PPP4C: variants seen among roughly 807,000 people sequenced by gnomAD.
The protein encoded by PPP4C is serine/threonine-protein phosphatase 4 catalytic subunit.
Under a neutral mutation model 40.5 loss-of-function variants are expected in PPP4C, and 10 were observed. That is an observed-to-expected ratio of 0.25 (90% CI 0.15 to 0.42). The LOEUF is 0.42. Ranked by LOEUF, PPP4C falls within the 10% of genes least tolerant of loss-of-function variation. The probability of loss-of-function intolerance (pLI) is 1.00; values close to 1 mark genes in which losing one functional copy is unlikely to be tolerated. For missense variants in PPP4C, 191 were observed against 416.4 expected, an observed-to-expected ratio of 0.46 and a Z score of 4.71; for synonymous variants, 187 against 163.6, an observed-to-expected ratio of 1.14 and a Z score of -1.09.
chr16:30,076,191 G>A (rs922853738), intron 1 of PPP4C, 97 bp downstream of exon 1: 4 of 614,458 alleles, frequency 6.5e-6, no homozygotes, highest in Non-Finnish European at 1.1e-5. Context: ...TTGGACGCCG[G>A]GGGGTCCTGG....
At position 30,081,321 on chromosome 16, in the gene PPP4C, G is replaced by A. The variant is rs1282716399; in HGVS notation, c.150+11G>A. 1.2e-6 allele frequency: 2 copies of A among 1,608,410 alleles called. No homozygotes were observed. The highest frequency in any genetic ancestry group is 1.7e-5 in the Admixed American group (1 of 60,008). ...GACTCGCCAGTCACAGTGAGTACCTGCTGTCCCTGCAGAGCCAGGCCTGGT... is the reference window on the plus strand; with the variant it reads ...GACTCGCCAGTCACAGTGAGTACCTACTGTCCCTGCAGAGCCAGGCCTGGT... On this transcript the variant is annotated intron_variant, in intron 3 of 8. Transcript: ENST00000279387.
chr16:30,079,902 C>T (rs982146020), intron 2 of PPP4C, among the ~76,000 whole-genome samples: 2 of 152,206 alleles, frequency 1.3e-5, no homozygotes, highest in Non-Finnish European at 1.5e-5. Context: ...CAGCCTCCTT[C>T]CCTGCTTCAA....
rs1023951633 is a variant in PPP4C at position 30,083,324 on chromosome 16, CGAG to C, written c.304-65_304-63del. 34 of 1,523,080 alleles carry C rather than the reference CGAG, an allele frequency of 2.2e-5. No homozygotes were observed. The African/African-American group carries it at 4.5e-4, about 20-fold the overall frequency. 94.3% of individuals were successfully genotyped at this position (1,523,080 alleles called of 1,614,324 possible). A position where few individuals can be genotyped will look rare whatever the true frequency, so the allele number is the denominator to read the frequency against. ...TGTGAGGATGGCAGGCTGGCGGGCA[CGAG>C]GAGGTCAGAGAGGGATGTGTGGAGA... On this transcript the variant is annotated intron_variant, in intron 5 of 8. Coordinates refer to ENST00000279387, the MANE Select transcript of PPP4C (RefSeq NM_002720.3). This position sits in a 1 kb window ranked among gnomAD's most constrained non-coding sequence, Gnocchi z 6.3.
rs150994602 is a variant in PPP4C at position 30,082,392 on chromosome 16, T to A, written c.151-92T>A. ...TAGGAAGTAGAAGTGCAGCCAAGAG[T>A]GATAAAGCTCACTAAAGCAGCGGGT... is the stretch of plus-strand genomic sequence containing the variant. On this transcript the variant is annotated intron_variant, in intron 3 of 8. Transcript: ENST00000279387. 5.6e-3 allele frequency: 7,417 copies of A among 1,330,592 alleles called. 46 individuals are homozygous for A. Among genetic ancestry groups the A allele is most frequent in the Non-Finnish European group, 6.4e-3 (5,917 of 923,666 alleles). The allele number at this position is 1,330,592 out of a possible 1,614,324, so 82.4% of individuals were successfully genotyped here. A position where few individuals can be genotyped will look rare whatever the true frequency, so the allele number is the denominator to read the frequency against.
chr16:30,083,065 G>A lies in PPP4C; in HGVS notation c.303+218G>A. 1 of 596,626 alleles carries A rather than the reference G, an allele frequency of 1.7e-6. No individual in the cohort carries two copies. The allele number at this position is 596,626 out of a possible 1,614,324, so 37.0% of individuals were successfully genotyped here. ...GGGGCAGAGGCTCACTGTTGCGAATGTGGCAGGTCATTGATGCCACTGGTG... is the reference window on the plus strand; with the variant it reads ...GGGGCAGAGGCTCACTGTTGCGAATATGGCAGGTCATTGATGCCACTGGTG... On this transcript the variant is annotated intron_variant, in intron 5 of 8. Transcript: ENST00000279387. This position sits in a 1 kb window ranked among gnomAD's most constrained non-coding sequence, Gnocchi z 6.3.
At chr16:30,081,163 C>T (rs2072498553) in intron 2 of PPP4C, 96 bp from the exon 3 acceptor site, 1 of 1,573,748 alleles carries the variant, frequency 6.4e-7, no homozygotes, top group Non-Finnish European at 8.7e-7. Context: ...CTGGAGCTTC[C>T]AGGACTGCCT....
intron 2 of PPP4C, among the ~76,000 whole-genome samples, chr16:30,076,949 A>AGT (rs1249304202): frequency 6.6e-6 from 1 of 152,214 alleles, no homozygotes. Flanking sequence ...TCATGTTCAA[A>AGT]GTTACCCACA....
At chr16:30,084,638 C>T (rs1022561470) in intron 7 of PPP4C, 28 bp from the exon 8 acceptor site, 1 of 1,605,142 alleles carries the variant, frequency 6.2e-7, no homozygotes, top group African/African-American at 1.3e-5. Flanking sequence ...TGAGGACATC[C>T]CTCTCCATCC....
chr16:30,083,357 G>A lies in PPP4C; in HGVS notation c.304-37G>A, dbSNP rs8057594. On this transcript the variant is annotated intron_variant, in intron 5 of 8. Coordinates refer to ENST00000279387, the MANE Select transcript of PPP4C (RefSeq NM_002720.3). This position sits in a 1 kb window ranked among gnomAD's most constrained non-coding sequence, Gnocchi z 6.3. ...TCAGAGAGGGATGTGTGGAGAGACC[G>A]TCTAGGCGCCAGCCCTGGCTTGGTG... The A allele has an allele frequency of 2.4e-3, 3,782 of 1,591,834 alleles. 74 individuals carry two copies. The African/African-American group carries it at 0.044, about 19-fold the overall frequency.
In PPP4C at chr16:30,083,634, T is replaced by C; in HGVS notation, c.478-21T>C. ...GGCTTCAGGCCTCAGCCCCGTCCTC[T>C]TTCCCTGCTCTCCCCTGTAGATCTT... On this transcript the variant is annotated intron_variant, in intron 6 of 8. Transcript: ENST00000279387. This position sits in a 1 kb window ranked among gnomAD's most constrained non-coding sequence, Gnocchi z 6.3. 6.2e-7 allele frequency: 1 copy of C among 1,614,118 alleles called. No individual in the cohort carries two copies. The highest frequency in any genetic ancestry group is 8.5e-7 in the Non-Finnish European group (1 of 1,179,992).
chr16:30,085,149 G>C lies in PPP4C; in HGVS notation c.*87G>C. 6.6e-7 allele frequency: 1 copy of C among 1,518,542 alleles called. No homozygotes were observed. The highest frequency in any genetic ancestry group is 1.2e-5 in the South Asian group (1 of 82,606). 94.1% of individuals were successfully genotyped at this position (1,518,542 alleles called of 1,614,324 possible). A position where few individuals can be genotyped will look rare whatever the true frequency, so the allele number is the denominator to read the frequency against. On this transcript the variant is annotated 3_prime_UTR_variant, in exon 9 of 9. Coordinates refer to ENST00000279387, the MANE Select transcript of PPP4C (RefSeq NM_002720.3). ...CTTCCTCAGACGGAGGCTGGGCGTG[G>C]GGGGGGCTGTCCTGGCTCTGCTGTC... is the stretch of plus-strand genomic sequence containing the variant.
In PPP4C at chr16:30,083,905, A is replaced by T. The variant is rs964097390; in HGVS notation, c.604+124A>T. 30 of 1,439,218 alleles carry T rather than the reference A, an allele frequency of 2.1e-5. No homozygotes were observed. In the South Asian group the frequency reaches 2.1e-4, roughly 10 times the overall value. The allele number at this position is 1,439,218 out of a possible 1,614,324, so 89.2% of individuals were successfully genotyped here. ...CAAATGGCTGGAACCCTGGAGGAGG[A>T]GCAGGGAGGCCTGCATGGCAGGTGC... On this transcript the variant is annotated intron_variant, in intron 7 of 8. Transcript: ENST00000279387. The surrounding 1 kb of genome is among the most constrained non-coding windows in gnomAD (Gnocchi z 6.3).
rs1017880535 is a variant in PPP4C at position 30,076,049 on chromosome 16, G to A, written c.-109G>A. On this transcript the variant is annotated 5_prime_UTR_variant, in exon 1 of 9. Coordinates refer to ENST00000279387, the MANE Select transcript of PPP4C (RefSeq NM_002720.3). The stretch of plus-strand genomic sequence containing the variant: ...GGCGGCGGTCGAAAGCGGAGTGAAA[G>A]AGGGAGGCAGGGAGCCGGAGAGCCG... The A allele has an allele frequency of 2.1e-5, 9 of 426,664 alleles. No homozygotes were observed. The highest frequency in any genetic ancestry group is 8.0e-5 in the Admixed American group (2 of 24,854). The allele number at this position is 426,664 out of a possible 1,614,324, so 26.4% of individuals were successfully genotyped here. A position where few individuals can be genotyped will look rare whatever the true frequency, so the allele number is the denominator to read the frequency against.
In PPP4C at chr16:30,083,247, C is replaced by G; in HGVS notation, c.304-147C>G. Reference sequence around the variant, plus strand: ...GGGGTCGTGTGGGCCTGGGAGGTGGCTGATGCCACACGATTCAGGCAAGAG... The same window carrying G: ...GGGGTCGTGTGGGCCTGGGAGGTGGGTGATGCCACACGATTCAGGCAAGAG... On this transcript the variant is annotated intron_variant, in intron 5 of 8. Coordinates refer to ENST00000279387, the MANE Select transcript of PPP4C (RefSeq NM_002720.3). This position sits in a 1 kb window ranked among gnomAD's most constrained non-coding sequence, Gnocchi z 6.3. The G allele has an allele frequency of 1.1e-6, 1 of 916,966 alleles. No homozygotes were observed. Among genetic ancestry groups the G allele is most frequent in the Non-Finnish European group, 1.7e-6 (1 of 596,920 alleles). 56.8% of individuals were successfully genotyped at this position (916,966 alleles called of 1,614,324 possible).
chr16:30,081,210 G>C, intron 2 of PPP4C, 49 bp from the exon 3 acceptor site: 4 of 1,612,142 alleles, frequency 2.5e-6, no homozygotes, highest in Non-Finnish European at 3.4e-6. Context: ...GTCAGGAATT[G>C]GGCTGGGCTG....
In PPP4C at chr16:30,085,237, T is replaced by TAGC; in HGVS notation, c.*175_*176insAGC. 1.7e-6 allele frequency: 1 copy of TAGC among 604,040 alleles called. No individual in the cohort carries two copies. The highest frequency in any genetic ancestry group is 2.8e-6 in the Non-Finnish European group (1 of 361,606). The allele number at this position is 604,040 out of a possible 1,614,324, so 37.4% of individuals were successfully genotyped here. Reference sequence around the variant, plus strand: ...AGAGGCCTGGAGACCTAGCTCCATGTTCCTCCTCCTCTCTCCCCACTTGAA... The same window carrying TAGC: ...AGAGGCCTGGAGACCTAGCTCCATGTAGCTCCTCCTCCTCTCTCCCCACTTGAA... On this transcript the variant is annotated 3_prime_UTR_variant, in exon 9 of 9. Coordinates refer to ENST00000279387, the MANE Select transcript of PPP4C (RefSeq NM_002720.3).
chr16:30,081,136 C>T (rs539269055), intron 2 of PPP4C, 123 bp from the exon 3 acceptor site: 33 of 1,374,220 alleles, frequency 2.4e-5, no homozygotes, highest in South Asian at 1.9e-4. Flanking sequence ...GGAGACTGTA[C>T]GCTTCACTCC....
In PPP4C at chr16:30,075,999, A is replaced by C. The variant is rs2072380105; in HGVS notation, c.-159A>C. 2 of 337,980 alleles carry C rather than the reference A, an allele frequency of 5.9e-6. No homozygotes were observed. Among genetic ancestry groups the C allele is most frequent in the East Asian group, 8.2e-5 (1 of 12,158 alleles). The allele number at this position is 337,980 out of a possible 1,614,324, so 20.9% of individuals were successfully genotyped here. A position where few individuals can be genotyped will look rare whatever the true frequency, so the allele number is the denominator to read the frequency against. On this transcript the variant is annotated 5_prime_UTR_variant, in exon 1 of 9. Coordinates refer to ENST00000279387, the MANE Select transcript of PPP4C (RefSeq NM_002720.3). ...TCCTTTGCTTCCGCGGCGGGGCCGG[A>C]AGTAGGAGCGGCGGCGGCGGCGGCG...
intron 7 of PPP4C, 21 bp from the exon 8 acceptor site, chr16:30,084,645 A>G: frequency 1.9e-6 from 3 of 1,610,134 alleles, no homozygotes; most frequent in Non-Finnish European, 2.5e-6. Flanking sequence ...ATCCCTCTCC[A>G]TCCCTCCCTT....
Sources: gnomAD v4.1 joint callset for allele counts (sites outside exome capture counted in the v4.1 genomes callset) on GRCh38, gnomAD v4.1.1 for gene constraint, Gnocchi (gnomAD v3.1) non-coding constraint, MANE v1.5 for transcripts, NCBI Gene and HGNC (gene_info 2026-07-23, HGNC 2026-07-21) for gene names.